Variants in PPP4R3A observed in about 807,000 individuals in gnomAD.
PPP4R3A encodes serine/threonine-protein phosphatase 4 regulatory subunit 3A.
PPP4R3A carries 15 observed loss-of-function variants against 91.7 expected under a neutral mutation model. The observed-to-expected ratio is 0.16, with a 90% CI of 0.11 to 0.25. The LOEUF (loss-of-function observed/expected upper bound fraction) is 0.25. Ranked by LOEUF, PPP4R3A falls within the 10% of genes least tolerant of loss-of-function variation. PPP4R3A has a pLI of 1.00. For missense variants in PPP4R3A, 623 were observed against 998.4 expected, an observed-to-expected ratio of 0.62 and a Z score of 5.07; for synonymous variants, 377 against 348.7, an observed-to-expected ratio of 1.08 and a Z score of -0.91.
At chr14:91,467,569 T>G (rs1290133530) in intron 10 of PPP4R3A, among the ~76,000 whole-genome samples, 1 of 123,762 alleles carries the variant, frequency 8.1e-6, no homozygotes, top group East Asian at 2.4e-4. Context: ...TTCACTCCTT[T>G]TTAAGATTTC....
rs964682464 is a variant in PPP4R3A at position 91,458,763 on chromosome 14, G to A, written c.2498C>T (p.Ser833Leu). Residue 833 changes from serine (S) to leucine (L), a missense_variant, in exon 15 of 15, where the codon TCA (serine) becomes TTA (leucine). Ser to Leu is a moderately radical substitution (Grantham distance 145). This residue lies in a region of PPP4R3A where 201 missense variants were observed against 229.9 expected (regional missense o/e 0.87). Transcript: ENST00000554943. Reference sequence around the variant, plus strand: ...GATCCTAGGCCGTTGCCATTATTATGAATCAAATTTTGCTTTCTTTGACAA... The same window carrying A: ...GATCCTAGGCCGTTGCCATTATTATAAATCAAATTTTGCTTTCTTTGACAA... Reference protein sequence around the residue: ...LPLSKKAKFDS With the variant: ...LPLSKKAKFDL 6.2e-7 allele frequency: 1 copy of A among 1,613,946 alleles called. No individual in the cohort carries two copies. Among genetic ancestry groups the A allele is most frequent in the East Asian group, 2.2e-5 (1 of 44,882 alleles).
intron 5 of PPP4R3A, 46 bp downstream of exon 5, chr14:91,476,863 G>A (rs2140102461): frequency 1.3e-6 from 2 of 1,494,864 alleles, no homozygotes; most frequent in Non-Finnish European, 1.8e-6. Flanking sequence ...ACCAAGCCCG[G>A]CCAGTTGTTT....
intron 11 of PPP4R3A, among the ~76,000 whole-genome samples, chr14:91,463,857 C>G (rs1888312188): frequency 6.6e-6 from 1 of 152,018 alleles, no homozygotes; most frequent in Non-Finnish European, 1.5e-5. Context: ...ATTTCATCAC[C>G]CAGGTAGTAA....
chr14:91,458,804 C>G lies in PPP4R3A; in HGVS notation c.2457G>C (p.Lys819Asn), dbSNP rs1887930982. 1 of 1,613,924 alleles carries G rather than the reference C, an allele frequency of 6.2e-7. No homozygotes were observed. The highest frequency in any genetic ancestry group is 8.5e-7 in the Non-Finnish European group (1 of 1,179,996). The change falls in exon 15 of 15, where the codon AAG (lysine) becomes AAC (asparagine). Residue 819 changes from lysine to asparagine, a missense_variant. Physicochemically the swap from Lys to Asn is moderately conservative, Grantham distance 94 (BLOSUM62 0). Coordinates refer to ENST00000554943, the MANE Select transcript of PPP4R3A (RefSeq NM_001366432.2). ...TCTTTGACAATGGTAACGTATCTTC[C>G]TTATCTTCATCCTCATCATCATCTT... Reference protein sequence around the residue: ...DDEDDDEDEDKEDTLPLSKKA... With the variant: ...DDEDDDEDEDNEDTLPLSKKA...
chr14:91,508,069 G>A (rs961694260), intron 1 of PPP4R3A, among the ~76,000 whole-genome samples: 1 of 152,132 alleles, frequency 6.6e-6, no homozygotes, highest in Non-Finnish European at 1.5e-5. Flanking sequence ...TTCCAAATGT[G>A]TGAAAGATCT....
intron 1 of PPP4R3A, among the ~76,000 whole-genome samples, chr14:91,497,455 G>T (rs776100874): frequency 6.6e-5 from 10 of 151,630 alleles, no homozygotes; most frequent in Admixed American, 2.6e-4. Context: ...TCCAATTCAA[G>T]AAAACTCCAA....
chr14:91,487,815 C>T (rs1450436582), intron 2 of PPP4R3A, among the ~76,000 whole-genome samples: 1 of 152,204 alleles, frequency 6.6e-6, no homozygotes, highest in Admixed American at 6.5e-5. Context: ...TCCCTGGGCT[C>T]AGGTGGTCCT....
chr14:91,503,619 G>T (rs1412341797), intron 1 of PPP4R3A, among the ~76,000 whole-genome samples: 1 of 152,132 alleles, frequency 6.6e-6, no homozygotes, highest in African/African-American at 2.4e-5. Context: ...AATGGATGCT[G>T]GGCTTAATAC....
chr14:91,478,631 A>G (rs1217804389), intron 4 of PPP4R3A, among the ~76,000 whole-genome samples: 2 of 152,258 alleles, frequency 1.3e-5, no homozygotes, highest in Non-Finnish European at 2.9e-5. Flanking sequence ...TTTTACATGT[A>G]TGAAGACCAA....
At chr14:91,500,706 A>C (rs1890894688) in intron 1 of PPP4R3A, among the ~76,000 whole-genome samples, 1 of 152,156 alleles carries the variant, frequency 6.6e-6, no homozygotes. Context: ...TCAACATTCC[A>C]TAAAAAAATT....
intron 1 of PPP4R3A, 83 bp downstream of exon 1, chr14:91,509,423 G>A: frequency 6.6e-7 from 1 of 1,517,952 alleles, no homozygotes; most frequent in Non-Finnish European, 8.8e-7. Context: ...CTCGTGGAGC[G>A]AGCGCCATGC....
chr14:91,476,434 T>C lies in PPP4R3A; in HGVS notation c.1084A>G (p.Ile362Val), dbSNP rs376854978. 1 of 1,611,626 alleles carries C rather than the reference T, an allele frequency of 6.2e-7. No homozygotes were observed. The highest frequency in any genetic ancestry group is 2.2e-5 in the East Asian group (1 of 44,742). ...AFFKTLSNMGILPALEVILGM... is the reference protein window; with the variant it reads ...AFFKTLSNMGVLPALEVILGM... ...AGGATGACTTCTAAAGCTGGTAATA[T>C]GCCCATGTTTGACAAAGTCTTGAAA... The change falls in exon 6 of 15, where the codon ATA becomes GTA. Residue 362 changes from isoleucine (I) to valine (V), a missense_variant. Coordinates refer to ENST00000554943, the MANE Select transcript of PPP4R3A (RefSeq NM_001366432.2).
intron 4 of PPP4R3A, among the ~76,000 whole-genome samples, chr14:91,478,817 T>G (rs1889363047): frequency 6.6e-6 from 1 of 152,234 alleles, no homozygotes; most frequent in South Asian, 2.1e-4. Context: ...TTAAACATAC[T>G]GCTTTATATG....
At chr14:91,508,613 TAC>T (rs1460861435) in intron 1 of PPP4R3A, among the ~76,000 whole-genome samples, 2 of 152,166 alleles carry the variant, frequency 1.3e-5, no homozygotes. Flanking sequence ...TGGCAATCCC[TAC>T]AGAGAATAAG....
chr14:91,495,694 A>G (rs1339253001), intron 1 of PPP4R3A, among the ~76,000 whole-genome samples: 1 of 152,084 alleles, frequency 6.6e-6, no homozygotes. Flanking sequence ...ATACTGTTAA[A>G]AAAAAAACAA....
chr14:91,469,657 C>A (rs1042260970), intron 10 of PPP4R3A, among the ~76,000 whole-genome samples: 7 of 152,282 alleles, frequency 4.6e-5, no homozygotes, highest in Admixed American at 3.3e-4. Context: ...CGATATCTGC[C>A]TCCCAGGTTC....
rs767368522 is a variant in PPP4R3A, at chr14:91,470,856, C to T, written c.1641G>A (p.Lys547=). 5 of 1,608,252 alleles carry T rather than the reference C, an allele frequency of 3.1e-6. No homozygotes were observed. The South Asian group carries it at 5.6e-5, about 18-fold the overall frequency. The change falls in exon 10 of 15, where the codon AAG becomes AAA. Residue 547 remains lysine, a synonymous_variant. Transcript: ENST00000554943. ...LRRVLVLMAS[K]HAFLALCALR... is the part of the protein sequence containing the mutation. ...ACTTACATAATGCCAAGAAAGCATG[C>T]TTCGAGGCCATAAGAACTAGCACTC...
chr14:91,479,005 C>T (rs779794093), intron 4 of PPP4R3A, among the ~76,000 whole-genome samples: 8 of 152,160 alleles, frequency 5.3e-5, no homozygotes. Flanking sequence ...CCTCTGCCTA[C>T]CAGGTGCAAA....
chr14:91,474,293 C>A (rs930823001), intron 7 of PPP4R3A, among the ~76,000 whole-genome samples: 2 of 152,072 alleles, frequency 1.3e-5, no homozygotes, highest in African/African-American at 2.4e-5. Context: ...TTCCTGAGGT[C>A]CTATTATGAC....
Sources: gnomAD v4.1 joint callset for allele counts (sites outside exome capture counted in the v4.1 genomes callset) on GRCh38, gnomAD v4.1.1 for gene constraint, gnomAD v4.1.1 regional missense constraint, MANE v1.5 for transcripts, NCBI Gene and HGNC (gene_info 2026-07-23, HGNC 2026-07-21) for gene names.